GMDS: variants seen among roughly 807,000 people sequenced by gnomAD.
The protein encoded by GMDS is GDP-mannose 4,6 dehydratase.
Under a neutral mutation model 49.9 loss-of-function variants are expected in GMDS, and 20 were observed. The observed-to-expected ratio is 0.40, with a 90% CI of 0.28 to 0.58. The LOEUF (loss-of-function observed/expected upper bound fraction) is 0.58. GMDS is among the 20% of genes least tolerant of loss of function. The probability of loss-of-function intolerance (pLI) is 0.42; values close to 1 mark genes in which losing one functional copy is unlikely to be tolerated. For missense variants in GMDS, 362 were observed against 481.4 expected, an observed-to-expected ratio of 0.75 and a Z score of 2.32; for synonymous variants, 177 against 178.6, an observed-to-expected ratio of 0.99 and a Z score of 0.07.
chr6:1,691,918 GA>G (rs1765187254), intron 9 of GMDS, among the ~76,000 whole-genome samples: 1 of 152,116 alleles, frequency 6.6e-6, no homozygotes, highest in South Asian at 2.1e-4. Flanking sequence ...TGGATTGAAG[GA>G]TGCAAAGTAT....
chr6:1,710,881 A>G (rs1193066384), intron 9 of GMDS, among the ~76,000 whole-genome samples: 2 of 152,222 alleles, frequency 1.3e-5, no homozygotes, highest in East Asian at 3.9e-4. Flanking sequence ...AGACTTGTGA[A>G]GGGGTTGACT....
chr6:2,228,652 G>T (rs571071085), intron 1 of GMDS, among the ~76,000 whole-genome samples: 59 of 152,318 alleles, frequency 3.9e-4, no homozygotes, highest in Non-Finnish European at 7.8e-4. Flanking sequence ...CCACTTCTCT[G>T]TAGGAAGGGC....
At chr6:1,901,082 A>G (rs927681157) in intron 7 of GMDS, among the ~76,000 whole-genome samples, 7 of 152,352 alleles carry the variant, frequency 4.6e-5, no homozygotes, top group Non-Finnish European at 1.0e-4. Flanking sequence ...GCAGAGCGTA[A>G]GCAGCCCTTG....
chr6:2,061,592 G>A (rs928741353), intron 4 of GMDS, among the ~76,000 whole-genome samples: 16 of 151,914 alleles, frequency 1.1e-4, no homozygotes, highest in African/African-American at 2.9e-4. Context: ...GGTGGTGCAC[G>A]CTTGTAACCC....
intron 8 of GMDS, among the ~76,000 whole-genome samples, chr6:1,730,837 A>G (rs1346343496): frequency 6.6e-6 from 1 of 152,218 alleles, no homozygotes; most frequent in Non-Finnish European, 1.5e-5. Context: ...CTTTTAAAGA[A>G]GCAGAAAACC....
chr6:1,751,554 C>T (rs939044677), intron 7 of GMDS, among the ~76,000 whole-genome samples: 4 of 152,192 alleles, frequency 2.6e-5, no homozygotes, highest in Non-Finnish European at 4.4e-5. Flanking sequence ...AGTGCAATGG[C>T]GTGATCTCAG....
At chr6:2,014,754 A>T (rs905546505) in intron 4 of GMDS, among the ~76,000 whole-genome samples, 1 of 152,138 alleles carries the variant, frequency 6.6e-6, no homozygotes, top group African/African-American at 2.4e-5. Flanking sequence ...AATAGTCTAA[A>T]TATACTAATT....
At chr6:1,788,167 CAG>C (rs1425189561) in intron 7 of GMDS, among the ~76,000 whole-genome samples, 1 of 152,114 alleles carries the variant, frequency 6.6e-6, no homozygotes, top group Non-Finnish European at 1.5e-5. Flanking sequence ...GTAAGGGAGA[CAG>C]AGGCAAAGAC....
intron 7 of GMDS, among the ~76,000 whole-genome samples, chr6:1,779,132 C>T (rs956321690): frequency 3.9e-5 from 6 of 152,124 alleles, no homozygotes; most frequent in East Asian, 1.9e-4. Flanking sequence ...CCTCTGGGTA[C>T]GAGGACAGCC....
intron 9 of GMDS, among the ~76,000 whole-genome samples, chr6:1,674,341 C>T (rs567339196): frequency 6.6e-6 from 1 of 152,150 alleles, no homozygotes; most frequent in South Asian, 2.1e-4. Flanking sequence ...TGTCTATTAG[C>T]TCATTTTTAA....
In GMDS at chr6:2,203,395, A is replaced by G. The variant is rs370468017; in HGVS notation, c.102+41926T>C. ...GCTGCCAGCTGTTATTTAAACTTGT[A>G]TGCTCCTGCCTAGTGAGAGTCAGCA... On this transcript the variant is annotated intron_variant, in intron 1 of 10. Coordinates refer to ENST00000380815, the MANE Select transcript of GMDS (RefSeq NM_001500.4). Among the ~76,000 whole-genome samples, 35 of 152,314 alleles carry G rather than the reference A, an allele frequency of 2.3e-4. 2 individuals are homozygous for G. In the East Asian group the frequency reaches 3.9e-3, roughly 17 times the overall value.
intron 7 of GMDS, among the ~76,000 whole-genome samples, chr6:1,754,873 G>A (rs1373664079): frequency 2.0e-5 from 3 of 152,088 alleles, no homozygotes; most frequent in Admixed American, 1.3e-4. Flanking sequence ...CTGATTGAAC[G>A]TATCTCAAAA....
chr6:1,995,197 T>C (rs1766202870), intron 4 of GMDS, among the ~76,000 whole-genome samples: 1 of 151,952 alleles, frequency 6.6e-6, no homozygotes, highest in Non-Finnish European at 1.5e-5. Flanking sequence ...CACCATGTAA[T>C]TGGGAGGGTA....
At chr6:1,936,278 G>A (rs530778392) in intron 6 of GMDS, among the ~76,000 whole-genome samples, 1 of 152,256 alleles carries the variant, frequency 6.6e-6, no homozygotes, top group South Asian at 2.1e-4. Flanking sequence ...GTGGCAAGAG[G>A]GCCAGCAGGC....
intron 1 of GMDS, among the ~76,000 whole-genome samples, chr6:2,243,051 G>T (rs1781688585): frequency 1.3e-5 from 2 of 152,324 alleles, no homozygotes; most frequent in Middle Eastern, 3.4e-3. Flanking sequence ...ACTATGCTAG[G>T]GGTACAGAAG....
intron 7 of GMDS, among the ~76,000 whole-genome samples, chr6:1,790,569 G>T (rs1467841713): frequency 6.6e-6 from 1 of 152,178 alleles, no homozygotes; most frequent in African/African-American, 2.4e-5. Context: ...AATTTTACAT[G>T]AAGTTTCCAA....
chr6:1,959,098 G>T (rs1171489469), intron 6 of GMDS, among the ~76,000 whole-genome samples: 1 of 152,194 alleles, frequency 6.6e-6, no homozygotes, highest in Non-Finnish European at 1.5e-5. Flanking sequence ...AGGGAGTGGG[G>T]AATAAGGGGA....
At chr6:1,846,523 TGATAGGAAA>T (rs1378463299) in intron 7 of GMDS, among the ~76,000 whole-genome samples, 2 of 152,134 alleles carry the variant, frequency 1.3e-5, no homozygotes, top group Admixed American at 6.5e-5. Context: ...TTCTCTCCAT[TGATAGGAAA>T]GATGGGAAAA....
chr6:2,197,332 C>T (rs966949254), intron 1 of GMDS, among the ~76,000 whole-genome samples: 8 of 152,110 alleles, frequency 5.3e-5, no homozygotes, highest in African/African-American at 1.9e-4. Context: ...TATTCCTCCT[C>T]CCGCCCAGGT....
Sources: allele counts gnomAD v4.1 joint callset (sites outside exome capture counted in the v4.1 genomes callset), GRCh38; gene constraint gnomAD v4.1.1; transcripts MANE v1.5; gene names NCBI Gene and HGNC (gene_info 2026-07-23, HGNC 2026-07-21).